Variants in COL4A5 observed in about 807,000 individuals in gnomAD.
The protein encoded by COL4A5 is collagen alpha-5(IV) chain.
Under a neutral mutation model 130.2 loss-of-function variants are expected in COL4A5, and 26 were observed. The ratio of observed to expected loss-of-function variants is 0.20; its 90% CI spans 0.15 to 0.28. The LOEUF is 0.28. COL4A5 is among the 10% of genes least tolerant of loss of function. COL4A5 has a pLI of 1.00. For missense variants in COL4A5, 1,131 were observed against 1,344.3 expected, an observed-to-expected ratio of 0.84 and a Z score of 2.48; for synonymous variants, 496 against 439.6, an observed-to-expected ratio of 1.13 and a Z score of -1.60.
intron 1 of COL4A5, among the ~76,000 whole-genome samples, chrX:108,503,938 C>A (rs974759097): frequency 1.8e-5 from 2 of 111,984 alleles, no homozygotes; most frequent in African/African-American, 6.5e-5. Context: ...ATAGCCAAAG[C>A]AATCCTAAAC....
At chrX:108,659,285 T>C (rs1020528730) in intron 37 of COL4A5, among the ~76,000 whole-genome samples, 1 of 111,372 alleles carries the variant, frequency 9.0e-6, no homozygotes, top group Non-Finnish European at 1.9e-5. Flanking sequence ...TAACTATTAA[T>C]ACTTATTGAG....
chrX:108,615,470 C>G (rs1172560120), intron 30 of COL4A5, among the ~76,000 whole-genome samples: 1 of 109,030 alleles, frequency 9.2e-6, no homozygotes, highest in Non-Finnish European at 1.9e-5. Context: ...TTCCCATTTT[C>G]TTTTTTTTTC....
At chrX:108,593,908 G>A (rs1037915641) in intron 21 of COL4A5, among the ~76,000 whole-genome samples, 1 of 111,919 alleles carries the variant, frequency 8.9e-6, no homozygotes, top group African/African-American at 3.2e-5. Flanking sequence ...AATGCTCCAA[G>A]GTTGAGTCCT....
At position 108,639,364 on chromosome X, in the gene COL4A5, A is replaced by G. The variant is rs769796685; in HGVS notation, c.3246+13015A>G. On this transcript the variant is annotated intron_variant, in intron 36 of 52. Transcript: ENST00000328300. ...TGGAGTTGAACCATTTTCTTACATC[A>G]TATATAAAATTAATTCAAAAAAGAA... 4.5e-5 allele frequency among the ~76,000 whole-genome samples: 5 copies of G among 111,341 alleles called. No individual in the cohort carries two copies. In the East Asian group the frequency reaches 1.4e-3, roughly 31 times the overall value.
chrX:108,518,412 T>A (rs1015103344), intron 1 of COL4A5, among the ~76,000 whole-genome samples: 2 of 111,003 alleles, frequency 1.8e-5, no homozygotes, highest in African/African-American at 6.5e-5. Context: ...AAAGAAGCAA[T>A]TGGTAATTTG....
Position 108,526,641 on chromosome X carries a change from TTTCTTTCTTTCTTTCTTTC to T in COL4A5, c.82-13092_82-13074del, listed in dbSNP as rs1438338948. Among the ~76,000 whole-genome samples the T allele has an allele frequency of 4.7e-3, 322 of 68,525 alleles. 7 individuals are homozygous for T. The highest frequency in any genetic ancestry group is 0.023 in the African/African-American group (283 of 12,327). The allele number at this position is 68,525 out of a possible 115,157, so 59.5% of individuals were successfully genotyped here. The stretch of plus-strand genomic sequence containing the variant: ...CTTTCTTTCTTTCTTTCTTTCTTTC[TTTCTTTCTTTCTTTCTTTC>T]TTCTTTCTTTCTCTTTCTTTCTTTC... On this transcript the variant is annotated intron_variant, in intron 1 of 52. Coordinates refer to ENST00000328300, the MANE Select transcript of COL4A5 (RefSeq NM_033380.3).
chrX:108,662,591 T>A (rs1036817801), intron 37 of COL4A5, among the ~76,000 whole-genome samples: 1 of 111,371 alleles, frequency 9.0e-6, no homozygotes, highest in African/African-American at 3.3e-5. Context: ...AGAGCCAAAT[T>A]ATGAGTGAAC....
intron 30 of COL4A5, among the ~76,000 whole-genome samples, chrX:108,618,286 T>C (rs1005656873): frequency 8.1e-5 from 9 of 111,485 alleles, no homozygotes; most frequent in African/African-American, 2.9e-4. Flanking sequence ...ATGTCTGTTA[T>C]TACTACTACT....
Position 108,677,694 on chromosome X carries a change from G to A in COL4A5, c.3942+61G>A, listed in dbSNP as rs1205757332. 3.5e-6 allele frequency: 4 copies of A among 1,144,401 alleles called. No individual in the cohort carries two copies. In the East Asian group the frequency reaches 9.1e-5, roughly 26 times the overall value. The allele number at this position is 1,144,401 out of a possible 1,213,427, so 94.3% of individuals were successfully genotyped here. ...ATGTGGGTGTTTGTATTCAAAATGT[G>A]AATTCTAAGCTGCATCATTTTAATT... On this transcript the variant is annotated intron_variant, in intron 44 of 52. Transcript: ENST00000328300.
At position 108,571,849 on chromosome X, in the gene COL4A5, A is replaced by T. The variant is rs184637253; in HGVS notation, c.465+12A>T. ...TCCCAGGTATGAAGGTAAGCATCTC[A>T]TTCTGGGGAACAAATGTTTTGAATA... On this transcript the variant is annotated intron_variant, in intron 8 of 52. Transcript: ENST00000328300. 6.9e-5 allele frequency: 81 copies of T among 1,165,813 alleles called. No homozygotes were observed. The East Asian group carries it at 2.4e-3, about 35-fold the overall frequency.
intron 37 of COL4A5, among the ~76,000 whole-genome samples, chrX:108,658,162 A>C (rs1428661577): frequency 9.0e-6 from 1 of 111,470 alleles, no homozygotes; most frequent in East Asian, 2.8e-4. Flanking sequence ...ATTTTTATAA[A>C]GAATGGATGC....
At chrX:108,693,757 C>T (rs1278284273) in intron 50 of COL4A5, 1 of 110,936 alleles carries the variant, frequency 9.0e-6, no homozygotes, top group African/African-American at 3.3e-5. Flanking sequence ...AAGGTGGTAG[C>T]TGAGATTTGG....
chrX:108,675,842 A>C (rs1333839913), intron 43 of COL4A5, among the ~76,000 whole-genome samples: 1 of 112,091 alleles, frequency 8.9e-6, no homozygotes, highest in Non-Finnish European at 1.9e-5. Flanking sequence ...ACTATATACC[A>C]GGCACTGTGC....
At chrX:108,569,380 T>G (rs1245301464) in intron 6 of COL4A5, among the ~76,000 whole-genome samples, 1 of 112,070 alleles carries the variant, frequency 8.9e-6, no homozygotes, top group Non-Finnish European at 1.9e-5. Flanking sequence ...ACCCTAACTT[T>G]AGATATAGCA....
At chrX:108,587,423 T>C (rs2066355074) in intron 19 of COL4A5, among the ~76,000 whole-genome samples, 1 of 111,519 alleles carries the variant, frequency 9.0e-6, no homozygotes, top group African/African-American at 3.3e-5. Flanking sequence ...TCCTTCAGGC[T>C]CATCCATGTT....
rs1176626345 is a variant in COL4A5 at position 108,681,061 on chromosome X, C to T, written c.4087+105C>T. On this transcript the variant is annotated intron_variant, in intron 46 of 52. Coordinates refer to ENST00000328300, the MANE Select transcript of COL4A5 (RefSeq NM_033380.3). ...GCCAGACCATCGGAGGCTAAGTCCC[C>T]AACAACTGAGGCAAAATAAACAAGG... 1.2e-5 allele frequency: 8 copies of T among 672,615 alleles called. No homozygotes were observed. In the African/African-American group the frequency reaches 1.3e-4, roughly 11 times the overall value. The allele number at this position is 672,615 out of a possible 1,213,427, so 55.4% of individuals were successfully genotyped here. A position where few individuals can be genotyped will look rare whatever the true frequency, so the allele number is the denominator to read the frequency against.
In COL4A5 at chrX:108,620,293, A is replaced by G. The variant is rs200561346; in HGVS notation, c.2544A>G (p.Pro848=). The G allele has an allele frequency of 1.7e-6, 2 of 1,207,418 alleles. No individual in the cohort carries two copies. Among genetic ancestry groups the G allele is most frequent in the African/African-American group, 3.5e-5 (2 of 57,054 alleles). ...LHGIPGEKGD[P]GPPGLDVPGP... ...GAATACCAGGAGAGAAGGGGGATCC[A>G]GGACCTCCTGGACTTGATGTTCCAG... Residue 848 remains proline, a synonymous_variant, in exon 31 of 53, where the codon CCA becomes CCG. Coordinates refer to ENST00000328300, the MANE Select transcript of COL4A5 (RefSeq NM_033380.3).
At chrX:108,597,961 T>C (rs1458203614) in intron 24 of COL4A5, among the ~76,000 whole-genome samples, 1 of 110,034 alleles carries the variant, frequency 9.1e-6, no homozygotes, top group East Asian at 2.9e-4. Flanking sequence ...GAGGCTGAGG[T>C]GGGCGGATCA....
At chrX:108,562,848 G>T (rs1373977746) in intron 3 of COL4A5, among the ~76,000 whole-genome samples, 1 of 111,376 alleles carries the variant, frequency 9.0e-6, no homozygotes, top group Admixed American at 9.6e-5. Flanking sequence ...TAGGCAGTAC[G>T]TTCATGTCAC....
Sources: gnomAD v4.1 joint callset for allele counts (sites outside exome capture counted in the v4.1 genomes callset) on GRCh38, gnomAD v4.1.1 for gene constraint, MANE v1.5 for transcripts, NCBI Gene and HGNC (gene_info 2026-07-23, HGNC 2026-07-21) for gene names.